Variants in PARD3 observed in about 807,000 individuals in gnomAD.
PARD3 encodes the protein partitioning defective 3 homolog.
A neutral mutation model predicts 155.4 loss-of-function variants in PARD3; 75 were observed. The ratio of observed to expected loss-of-function variants is 0.48; its 90% CI spans 0.40 to 0.58. The LOEUF (loss-of-function observed/expected upper bound fraction) is 0.58, where lower values mean the gene tolerates loss of function less well. Among genes scored for constraint, PARD3 ranks in the 20% least tolerant of loss-of-function variants. The probability of loss-of-function intolerance (pLI) is 0.00; values close to 1 mark genes in which losing one functional copy is unlikely to be tolerated. For missense variants in PARD3, 1,642 were observed against 1,721.7 expected (o/e 0.95, Z 0.82); for synonymous variants, 576 against 610.5 (o/e 0.94, Z 0.83).
At chr10:34,474,855 T>A (rs982428306) in intron 3 of PARD3, among the ~76,000 whole-genome samples, 2 of 152,222 alleles carry the variant, frequency 1.3e-5, no homozygotes, top group Admixed American at 1.3e-4. Flanking sequence ...AATCATATCC[T>A]GATTTTAATT....
intron 3 of PARD3, among the ~76,000 whole-genome samples, chr10:34,492,615 C>T (rs927624807): frequency 6.6e-6 from 1 of 152,080 alleles, no homozygotes; most frequent in Non-Finnish European, 1.5e-5. Flanking sequence ...AATGTCCTAC[C>T]ACATGGCTAT....
At chr10:34,731,641 T>C (rs767408779) in intron 1 of PARD3, among the ~76,000 whole-genome samples, 2 of 152,280 alleles carry the variant, frequency 1.3e-5, no homozygotes, top group Non-Finnish European at 2.9e-5. Flanking sequence ...TTGAGAAAAG[T>C]TGAAGTTCAA....
chr10:34,624,602 C>T (rs2091886545), intron 2 of PARD3, among the ~76,000 whole-genome samples: 1 of 152,198 alleles, frequency 6.6e-6, no homozygotes, highest in Middle Eastern at 3.2e-3. Context: ...GCCCAGAAGC[C>T]ACCAGGAGGA....
chr10:34,492,996 C>T (rs1439090410), intron 3 of PARD3, among the ~76,000 whole-genome samples: 3 of 152,146 alleles, frequency 2.0e-5, no homozygotes, highest in Non-Finnish European at 4.4e-5. Flanking sequence ...ACCATTTTTT[C>T]TGTCTACCTT....
At chr10:34,707,525 A>C (rs2133594727) in intron 1 of PARD3, among the ~76,000 whole-genome samples, 1 of 152,350 alleles carries the variant, frequency 6.6e-6, no homozygotes, top group African/African-American at 2.4e-5. Context: ...CTGAGGTTTG[A>C]GAACCAGTGA....
At chr10:34,560,339 C>T (rs1217813344) in intron 2 of PARD3, among the ~76,000 whole-genome samples, 1 of 152,044 alleles carries the variant, frequency 6.6e-6, no homozygotes, top group African/African-American at 2.4e-5. Context: ...CAGAACACCG[C>T]CGTGCAGAAA....
intron 7 of PARD3, among the ~76,000 whole-genome samples, chr10:34,392,529 GA>G (rs1313368950): frequency 1.3e-5 from 2 of 152,124 alleles, no homozygotes; most frequent in Non-Finnish European, 2.9e-5. Flanking sequence ...CCCACACCCA[GA>G]GTCCCTTCAT....
chr10:34,550,657 CA>C (rs2084475910), intron 2 of PARD3, among the ~76,000 whole-genome samples: 1 of 152,194 alleles, frequency 6.6e-6, no homozygotes, highest in South Asian at 2.1e-4. Context: ...TTCCCCTCCT[CA>C]GGGCTCACTT....
rs543201406 is a variant in PARD3 at position 34,764,711 on chromosome 10, G to A, written c.120+50165C>T. Among the ~76,000 whole-genome samples the A allele has an allele frequency of 5.9e-5, 9 of 152,192 alleles. No homozygotes were observed. The East Asian group carries it at 1.7e-3, about 29-fold the overall frequency. On this transcript the variant is annotated intron_variant, in intron 1 of 24. Coordinates refer to ENST00000374788, the MANE Select transcript of PARD3 (RefSeq NM_001184785.2). The stretch of plus-strand genomic sequence containing the variant: ...AAGGGTAGTGTGCTAAGAGGTAAAT[G>A]GTGGGAACTGTTGACTGGAAAGAAA...
At chr10:34,550,133 GT>G (rs961729122) in intron 2 of PARD3, among the ~76,000 whole-genome samples, 1 of 152,186 alleles carries the variant, frequency 6.6e-6, no homozygotes, top group African/African-American at 2.4e-5. Flanking sequence ...GCACATGAAT[GT>G]GCGAGGTAGG....
intron 14 of PARD3, among the ~76,000 whole-genome samples, chr10:34,348,731 A>G (rs1837689424): frequency 6.6e-6 from 1 of 152,228 alleles, no homozygotes; most frequent in African/African-American, 2.4e-5. Flanking sequence ...ACAAGATAGT[A>G]GCTGCAATAA....
rs562945418 is a variant in PARD3, at chr10:34,378,103, G to A, written c.1403C>T (p.Thr468Ile). 16 of 1,583,834 alleles carry A rather than the reference G, an allele frequency of 1.0e-5. No homozygotes were observed. The South Asian group carries it at 1.6e-4, about 16-fold the overall frequency. Residue 468 changes from threonine (T) to isoleucine (I), a missense_variant, in exon 10 of 25, where the codon ACA becomes ATA. Physicochemically the swap from Thr to Ile is moderately conservative, Grantham distance 89. Transcript: ENST00000374788. ...KRLNIQLKKGTEGLGFSITSR... is the reference protein window; with the variant it reads ...KRLNIQLKKGIEGLGFSITSR... ...AGTGATGCTGAATCCCAAACCTTCT[G>A]TACCTAGGTATGTGAAGGAGAAGAA...
chr10:34,279,386 C>T (rs868391080), intron 21 of PARD3, among the ~76,000 whole-genome samples: 32 of 151,786 alleles, frequency 2.1e-4, no homozygotes, highest in Non-Finnish European at 2.6e-4. Context: ...TTCTCATTTA[C>T]CTGTGCAATG....
intron 15 of PARD3, chr10:34,344,266 G>C (rs868601375): frequency 2.9e-5 from 27 of 915,710 alleles, no homozygotes; most frequent in Non-Finnish European, 3.1e-5. Context: ...TTTTTTGTTT[G>C]TTTGTTTGTT....
Position 34,659,069 on chromosome 10 carries a change from C to T in PARD3, c.222+37249G>A, listed in dbSNP as rs1352073230. 1.2e-4 allele frequency among the ~76,000 whole-genome samples: 19 copies of T among 152,160 alleles called. 1 individual carries two copies. Among genetic ancestry groups the T allele is most frequent in the Admixed American group, 1.2e-3 (19 of 15,280 alleles). On this transcript the variant is annotated intron_variant, in intron 2 of 24. Coordinates refer to ENST00000374788, the MANE Select transcript of PARD3 (RefSeq NM_001184785.2). ...TGAAGAGTAAGGCAATGCAAGCGCA[C>T]ACACAGTACTGGCTTGGTACACACC... is the stretch of plus-strand genomic sequence containing the variant.
In PARD3 at chr10:34,336,235, C is replaced by G; in HGVS notation, c.2569G>C (p.Glu857Gln). 6.2e-7 allele frequency: 1 copy of G among 1,611,844 alleles called. No homozygotes were observed. The highest frequency in any genetic ancestry group is 1.7e-5 in the Admixed American group (1 of 59,928). The change falls in exon 18 of 25, where the codon GAG (glutamate) becomes CAG (glutamine). Residue 857 changes from glutamate (E) to glutamine (Q), a missense_variant. Physicochemically the swap from Glu to Gln is conservative, Grantham distance 29. Transcript: ENST00000374788. ...SKSMDLGIAD[E>Q]TKLNTVDDQK... Reference sequence around the variant, plus strand: ...TCATCCACTGTATTGAGTTTAGTCTCGTCAGCTACTGTTAAAAGGTAAATG... The same window carrying G: ...TCATCCACTGTATTGAGTTTAGTCTGGTCAGCTACTGTTAAAAGGTAAATG...
chr10:34,537,420 T>C (rs149686614), intron 2 of PARD3, among the ~76,000 whole-genome samples: 1 of 152,256 alleles, frequency 6.6e-6, no homozygotes, highest in African/African-American at 2.4e-5. Context: ...AGAGAGCCAA[T>C]GACACAGAAG....
At chr10:34,273,114 C>T (rs944670812) in intron 21 of PARD3, among the ~76,000 whole-genome samples, 3 of 152,114 alleles carry the variant, frequency 2.0e-5, no homozygotes, top group South Asian at 4.1e-4. Context: ...TTGTGCCTCC[C>T]GGTACGTATC....
chr10:34,714,264 C>T (rs1186651639), intron 1 of PARD3, among the ~76,000 whole-genome samples: 3 of 152,034 alleles, frequency 2.0e-5, no homozygotes, highest in Non-Finnish European at 2.9e-5. Context: ...AAGATTAATT[C>T]CTTACACCTG....
Sources: gnomAD v4.1 joint callset for allele counts (sites outside exome capture counted in the v4.1 genomes callset) on GRCh38, gnomAD v4.1.1 for gene constraint, MANE v1.5 for transcripts, NCBI Gene and HGNC (gene_info 2026-07-23, HGNC 2026-07-21) for gene names.